ELMO1: variants seen among roughly 807,000 people sequenced by gnomAD.
ELMO1 encodes the protein engulfment and cell motility protein 1.
A neutral mutation model predicts 98.9 loss-of-function variants in ELMO1; 26 were observed. The observed-to-expected ratio is 0.26, with a 90% CI of 0.19 to 0.36. The LOEUF is 0.36. ELMO1 is among the 10% of genes least tolerant of loss of function. The pLI is 1.00. For missense variants in ELMO1, 627 were observed against 935.2 expected (o/e 0.67, Z 4.30); for synonymous variants, 346 against 346.0 (o/e 1.00, Z 0.00).
Position 37,267,038 on chromosome 7 carries a change from T to TATAC in ELMO1, c.243+4793_243+4794insGTAT, listed in dbSNP as rs1253737400. On this transcript the variant is annotated intron_variant, in intron 5 of 21. Coordinates refer to ENST00000310758, the MANE Select transcript of ELMO1 (RefSeq NM_014800.11). ...AAAAAAAAAAAAAAATATGTATATA[T>TATAC]ACACACACACACACACACACACACA... Among the ~76,000 whole-genome samples, 389 of 100,286 alleles carry TATAC rather than the reference T, an allele frequency of 3.9e-3. 9 individuals are homozygous for TATAC. Among genetic ancestry groups the TATAC allele is most frequent in the East Asian group, 0.014 (53 of 3,892 alleles). The allele number at this position is 100,286 out of a possible 152,430, so 65.8% of individuals were successfully genotyped here.
chr7:37,038,153 A>C (rs17170842), intron 15 of ELMO1, among the ~76,000 whole-genome samples: 19,490 of 152,142 alleles, frequency 0.13, 1,653 homozygotes, highest in African/African-American at 0.25. Context: ...ATTGGTCCCG[A>C]TCCCCTTGAC....
intron 1 of ELMO1, chr7:37,353,686 C>T (rs1465298913): frequency 2.0e-5 from 3 of 152,210 alleles, no homozygotes; most frequent in African/African-American, 7.2e-5. Flanking sequence ...TCTGGCCCCA[C>T]CCACACATCC....
chr7:37,285,796 C>A (rs1364197538), intron 4 of ELMO1, among the ~76,000 whole-genome samples: 1 of 152,164 alleles, frequency 6.6e-6, no homozygotes, highest in Non-Finnish European at 1.5e-5. Context: ...CAGAAGGGAC[C>A]TGTACGAGTT....
intron 13 of ELMO1, among the ~76,000 whole-genome samples, chr7:37,184,035 C>G (rs551312956): frequency 1.3e-5 from 2 of 152,274 alleles, no homozygotes; most frequent in African/African-American, 4.8e-5. Context: ...TTGTTTTTCT[C>G]ATTGGGGATA....
intron 1 of ELMO1, among the ~76,000 whole-genome samples, chr7:37,447,376 C>T (rs1042626502): frequency 6.6e-6 from 1 of 152,088 alleles, no homozygotes; most frequent in Non-Finnish European, 1.5e-5. Context: ...CCGAATCATT[C>T]AAGGCCAGCG....
chr7:37,089,401 T>C (rs1220659993), intron 15 of ELMO1, among the ~76,000 whole-genome samples: 1 of 152,218 alleles, frequency 6.6e-6, no homozygotes, highest in African/African-American at 2.4e-5. Flanking sequence ...AATCTAATTA[T>C]AAACGGTCAA....
At chr7:36,887,915 G>GT (rs1171046725) in intron 17 of ELMO1, among the ~76,000 whole-genome samples, 2 of 152,270 alleles carry the variant, frequency 1.3e-5, no homozygotes, top group South Asian at 4.2e-4. Context: ...CTTCAGTGAT[G>GT]TTTTTCCAGA....
chr7:37,164,023 T>C (rs1315560491), intron 13 of ELMO1, among the ~76,000 whole-genome samples: 1 of 152,202 alleles, frequency 6.6e-6, no homozygotes, highest in African/African-American at 2.4e-5. Context: ...TTTTAATGAT[T>C]GCCATTCTAA....
chr7:37,384,231 T>C (rs1448618827), intron 1 of ELMO1, among the ~76,000 whole-genome samples: 1 of 152,234 alleles, frequency 6.6e-6, no homozygotes. Flanking sequence ...GATTATTACC[T>C]CTTTTAGTAA....
At chr7:36,996,095 C>G (rs75724471) in intron 16 of ELMO1, among the ~76,000 whole-genome samples, 2 of 152,160 alleles carry the variant, frequency 1.3e-5, no homozygotes, top group Non-Finnish European at 2.9e-5. Flanking sequence ...ATAAATATCA[C>G]CAAAAGAAAA....
chr7:36,899,086 T>C (rs1584334925), intron 16 of ELMO1, among the ~76,000 whole-genome samples: 1 of 152,048 alleles, frequency 6.6e-6, no homozygotes, highest in African/African-American at 2.4e-5. Context: ...AAGGAGAACA[T>C]AGCCATGGGT....
At chr7:37,062,865 G>T (rs940857294) in intron 15 of ELMO1, among the ~76,000 whole-genome samples, 2 of 152,146 alleles carry the variant, frequency 1.3e-5, no homozygotes. Flanking sequence ...GGAAAAGACA[G>T]TTGCATGAGC....
At chr7:37,093,317 A>G (rs1320438298) in intron 15 of ELMO1, among the ~76,000 whole-genome samples, 2 of 152,238 alleles carry the variant, frequency 1.3e-5, no homozygotes, top group Non-Finnish European at 2.9e-5. Flanking sequence ...ACCAAAAATT[A>G]AAATCAAAAG....
At chr7:37,161,933 T>TATATATATATATATATATATATATA (rs1554429665) in intron 13 of ELMO1, among the ~76,000 whole-genome samples, 4 of 117,252 alleles carry the variant, frequency 3.4e-5, no homozygotes, top group Non-Finnish European at 7.3e-5. Flanking sequence ...TATATATATA[T>TATATATATATATATATATATATATA]ATGTTAAGCG....
At chr7:37,448,203 C>T (rs942642672) in intron 1 of ELMO1, among the ~76,000 whole-genome samples, 2 of 150,110 alleles carry the variant, frequency 1.3e-5, no homozygotes, top group African/African-American at 2.5e-5. Flanking sequence ...GAGTCTGAGC[C>T]GCAGCCGCTT....
intron 2 of ELMO1, among the ~76,000 whole-genome samples, chr7:37,318,155 GT>G (rs1194278776): frequency 6.6e-6 from 1 of 152,164 alleles, no homozygotes; most frequent in East Asian, 1.9e-4. Flanking sequence ...GCTGTCCACT[GT>G]TTATGGCTCT....
At chr7:37,397,885 C>T (rs1294872093) in intron 1 of ELMO1, among the ~76,000 whole-genome samples, 1 of 152,178 alleles carries the variant, frequency 6.6e-6, no homozygotes, top group Non-Finnish European at 1.5e-5. Flanking sequence ...TTATCCTCAG[C>T]AAACTAACAC....
intron 14 of ELMO1, among the ~76,000 whole-genome samples, chr7:37,116,229 C>T (rs1785580872): frequency 6.6e-6 from 1 of 152,112 alleles, no homozygotes; most frequent in South Asian, 2.1e-4. Context: ...AATAGCGAAA[C>T]CCCAGCACAG....
intron 16 of ELMO1, among the ~76,000 whole-genome samples, chr7:36,944,252 G>A (rs1313838153): frequency 6.6e-6 from 1 of 152,210 alleles, no homozygotes; most frequent in Non-Finnish European, 1.5e-5. Context: ...ACTTGGCAAT[G>A]TGGCTCCAGA....
Sources: allele counts gnomAD v4.1 joint callset (sites outside exome capture counted in the v4.1 genomes callset), GRCh38; gene constraint gnomAD v4.1.1; transcripts MANE v1.5; gene names NCBI Gene and HGNC (gene_info 2026-07-23, HGNC 2026-07-21).